The following MYO1B variants were observed in gnomAD, a reference collection of about 807,000 sequenced individuals.
MYO1B encodes unconventional myosin-Ib.
MYO1B carries 72 observed loss-of-function variants against 159.7 expected under a neutral mutation model. The observed-to-expected ratio is 0.45, with a 90% confidence interval of 0.37 to 0.55. The LOEUF (loss-of-function observed/expected upper bound fraction) is 0.55. Ranked by LOEUF, MYO1B falls within the 20% of genes least tolerant of loss-of-function variation. The pLI, the probability that MYO1B is intolerant of heterozygous loss-of-function variation, is 0.00. For missense variants in MYO1B, 1,062 were observed against 1,364.8 expected, an observed-to-expected ratio of 0.78 and a Z score of 3.50; for synonymous variants, 468 against 473.8, an observed-to-expected ratio of 0.99 and a Z score of 0.16.
chr2:191,277,056 A>T (rs1401659233), intron 2 of MYO1B, 26 bp downstream of exon 2: 13 of 1,608,598 alleles, frequency 8.1e-6, no homozygotes, highest in Middle Eastern at 1.7e-4. Context: ...GGTCATCTGT[A>T]ATGTTTAGAC....
intron 3 of MYO1B, among the ~76,000 whole-genome samples, chr2:191,311,703 A>C (rs1166437177): frequency 6.6e-6 from 1 of 152,226 alleles, no homozygotes; most frequent in Non-Finnish European, 1.5e-5. Flanking sequence ...CTCTCATCTA[A>C]GGTCAGGGAA....
rs1009135877 is a variant in MYO1B at position 191,416,375 on chromosome 2, A to G, written c.3287+133A>G. 1.2e-5 allele frequency: 13 copies of G among 1,078,876 alleles called. No individual in the cohort carries two copies. The Admixed American group carries it at 2.6e-4, about 21-fold the overall frequency. 66.8% of individuals were successfully genotyped at this position (1,078,876 alleles called of 1,614,324 possible). A position where few individuals can be genotyped will look rare whatever the true frequency, so the allele number is the denominator to read the frequency against. On this transcript the variant is annotated intron_variant, in intron 30 of 30. Coordinates refer to ENST00000392318, the MANE Select transcript of MYO1B (RefSeq NM_001130158.3). ...GTGTCTAGTAGTTGTTCCACATGAT[A>G]AATGGGCAGTGAATGACACTGACCA...
chr2:191,423,805 A>G (rs761760993), intron 30 of MYO1B, 32 bp from the exon 31 acceptor site: 1 of 1,597,290 alleles, frequency 6.3e-7, no homozygotes, highest in Non-Finnish European at 8.5e-7. Context: ...TGTTTTGTGT[A>G]TACTTTAATT....
At chr2:191,282,516 C>G (rs1294416053) in intron 2 of MYO1B, among the ~76,000 whole-genome samples, 1 of 152,022 alleles carries the variant, frequency 6.6e-6, no homozygotes, top group East Asian at 1.9e-4. Flanking sequence ...ATAACAAATG[C>G]TTTTGGGAAA....
intron 13 of MYO1B, among the ~76,000 whole-genome samples, chr2:191,372,616 T>C (rs904356085): frequency 6.6e-6 from 1 of 152,146 alleles, no homozygotes; most frequent in African/African-American, 2.4e-5. Context: ...GGAAACTATA[T>C]TACGTTTTAA....
chr2:191,339,246 G>GTA (rs1692055982), intron 4 of MYO1B, among the ~76,000 whole-genome samples: 1 of 152,180 alleles, frequency 6.6e-6, no homozygotes, highest in African/African-American at 2.4e-5. Context: ...AGCCTAGAAA[G>GTA]TATCCTGAAG....
At position 191,393,203 on chromosome 2, in the gene MYO1B, C is replaced by T. The variant is rs760354280; in HGVS notation, c.2207C>T (p.Ala736Val). The T allele has an allele frequency of 6.2e-7, 1 of 1,614,050 alleles. No individual in the cohort carries two copies. The highest frequency in any genetic ancestry group is 8.5e-7 in the Non-Finnish European group (1 of 1,179,942). ...AAAAAAAGCCAAATTGTGATTGCCG[C>T]CTGGTACAGGAGATATGCGGTAAGA... Reference protein sequence around the residue: ...LMKKSQIVIAAWYRRYAQQKR... With the variant: ...LMKKSQIVIAVWYRRYAQQKR... The change falls in exon 20 of 31, where the codon GCC becomes GTC. Residue 736 changes from alanine to valine, a missense_variant. Physicochemically the swap from Ala to Val is moderately conservative, Grantham distance 64. Transcript: ENST00000392318.
intron 22 of MYO1B, 99 bp downstream of exon 22, chr2:191,400,567 A>C: frequency 7.0e-7 from 1 of 1,422,606 alleles, no homozygotes. Flanking sequence ...CACTGGCTTG[A>C]GCTACTGAGC....
chr2:191,413,723 T>G (rs898276539), intron 27 of MYO1B, among the ~76,000 whole-genome samples: 2 of 152,190 alleles, frequency 1.3e-5, no homozygotes, highest in Non-Finnish European at 2.9e-5. Flanking sequence ...AGAAATTGCC[T>G]TTTCCTTCAC....
chr2:191,344,510 C>G (rs1304984616), intron 5 of MYO1B, among the ~76,000 whole-genome samples: 1 of 152,166 alleles, frequency 6.6e-6, no homozygotes, highest in Non-Finnish European at 1.5e-5. Context: ...GTTGTCTTAA[C>G]CAAGCTTGGG....
At chr2:191,349,655 T>C (rs1692787703) in intron 6 of MYO1B, among the ~76,000 whole-genome samples, 1 of 152,250 alleles carries the variant, frequency 6.6e-6, no homozygotes, top group South Asian at 2.1e-4. Context: ...TAATGACCAG[T>C]GTGATTCTGA....
At chr2:191,353,135 G>A (rs575926520) in intron 7 of MYO1B, among the ~76,000 whole-genome samples, 3 of 152,296 alleles carry the variant, frequency 2.0e-5, no homozygotes, top group Admixed American at 1.3e-4. Flanking sequence ...CCTGAGGTTA[G>A]TGTCATTAAG....
At chr2:191,387,761 A>T in intron 17 of MYO1B, 1 of 372,602 alleles carries the variant, frequency 2.7e-6, no homozygotes. Flanking sequence ...GTTAAAAAAC[A>T]AAATGCAAGT....
At chr2:191,278,085 T>C (rs1265006081) in intron 2 of MYO1B, among the ~76,000 whole-genome samples, 1 of 152,240 alleles carries the variant, frequency 6.6e-6, no homozygotes, top group Non-Finnish European at 1.5e-5. Flanking sequence ...GATAGCCAAC[T>C]CTCTTTATCT....
At chr2:191,382,780 G>T (rs1271087559) in intron 14 of MYO1B, among the ~76,000 whole-genome samples, 2 of 152,092 alleles carry the variant, frequency 1.3e-5, no homozygotes, top group Non-Finnish European at 2.9e-5. Flanking sequence ...TTGTGGTAGC[G>T]CTGGCCTGTT....
intron 4 of MYO1B, among the ~76,000 whole-genome samples, chr2:191,335,295 C>T (rs1691758803): frequency 1.3e-5 from 2 of 152,164 alleles, no homozygotes; most frequent in South Asian, 4.1e-4. Context: ...GGTTTGCTGA[C>T]TTACTCTATT....
intron 1 of MYO1B, among the ~76,000 whole-genome samples, chr2:191,271,961 C>T (rs576723204): frequency 1.3e-5 from 2 of 152,244 alleles, no homozygotes; most frequent in African/African-American, 4.8e-5. Context: ...ATTAAGTTTA[C>T]GTGGTAGGTC....
intron 21 of MYO1B, among the ~76,000 whole-genome samples, chr2:191,398,446 A>C (rs1574608269): frequency 7.9e-6 from 1 of 126,504 alleles, no homozygotes; most frequent in African/African-American, 2.9e-5. Context: ...TCCCTCCCGG[A>C]CGGAGACGCT....
chr2:191,298,695 A>G (rs1028610540), intron 3 of MYO1B, among the ~76,000 whole-genome samples: 2 of 152,212 alleles, frequency 1.3e-5, no homozygotes, highest in African/African-American at 4.8e-5. Flanking sequence ...TATGGCTAAT[A>G]TTTTATTAAG....
Sources: gnomAD v4.1 joint callset for allele counts (sites outside exome capture counted in the v4.1 genomes callset) on GRCh38, gnomAD v4.1.1 for gene constraint, MANE v1.5 for transcripts, NCBI Gene and HGNC (gene_info 2026-07-23, HGNC 2026-07-21) for gene names.